The following CMIP variants were observed in gnomAD, a reference collection of about 807,000 sequenced individuals.
CMIP encodes the protein c-Maf inducing protein.
In CMIP, 13 loss-of-function variants were observed where a neutral mutation model predicts 97.3. The observed-to-expected ratio is 0.13, with a 90% CI of 0.09 to 0.21. The LOEUF is 0.21. Among genes scored for constraint, CMIP ranks in the 10% least tolerant of loss-of-function variants. The probability of loss-of-function intolerance (pLI) is 1.00; values close to 1 mark genes in which losing one functional copy is unlikely to be tolerated. For missense variants in CMIP, 847 were observed against 1,024.9 expected (o/e 0.83, Z 2.37); for synonymous variants, 538 against 436.3 (o/e 1.23, Z -2.91).
chr16:81,463,913 G>A (rs76350242), intron 1 of CMIP: 1 of 152,256 alleles, frequency 6.6e-6, no homozygotes, highest in Non-Finnish European at 1.5e-5. Context: ...AAATGAAGTA[G>A]GTGTTGGTTG....
intron 1 of CMIP, among the ~76,000 whole-genome samples, chr16:81,486,980 G>T (rs1480602006): frequency 6.6e-6 from 1 of 152,262 alleles, no homozygotes; most frequent in Non-Finnish European, 1.5e-5. Flanking sequence ...TGGGCGTTGA[G>T]CGCCGTGAGG....
chr16:81,614,965 G>C lies in CMIP; in HGVS notation c.427-5911G>C, dbSNP rs886938680. On this transcript the variant is annotated intron_variant, in intron 2 of 20. Coordinates refer to ENST00000537098, the MANE Select transcript of CMIP (RefSeq NM_198390.3). The surrounding 1 kb of genome is among the most constrained non-coding windows in gnomAD (Gnocchi z 5.3). ...GGTGTGTGCATGTGTGTGGTGTGTT[G>C]TGTGATATGTGACGTGTGTGTGTGG... Among the ~76,000 whole-genome samples, 11 of 147,740 alleles carry C rather than the reference G, an allele frequency of 7.4e-5. No homozygotes were observed. The highest frequency in any genetic ancestry group is 2.8e-4 in the African/African-American group (11 of 39,962).
At chr16:81,459,794 G>T (rs1214679510) in intron 1 of CMIP, among the ~76,000 whole-genome samples, 3 of 152,306 alleles carry the variant, frequency 2.0e-5, no homozygotes, top group East Asian at 3.9e-4. Context: ...TGCAGTGACA[G>T]AGCACCTGCT....
In CMIP at chr16:81,460,343, G is replaced by A. The variant is rs574353220; in HGVS notation, c.300+14802G>A. The stretch of plus-strand genomic sequence containing the variant: ...CCAGCGGTTGCCATGGGTGGGTGGC[G>A]TCCCTCAGCCACTCCTGCAGTCATG... On this transcript the variant is annotated intron_variant, in intron 1 of 20. Coordinates refer to ENST00000537098, the MANE Select transcript of CMIP (RefSeq NM_198390.3). Among the ~76,000 whole-genome samples the A allele has an allele frequency of 1.7e-3, 259 of 152,160 alleles. 3 individuals are homozygous for A. The highest frequency in any genetic ancestry group is 3.0e-3 in the Non-Finnish European group (202 of 68,002).
At chr16:81,553,699 G>A (rs1459812772) in intron 1 of CMIP, among the ~76,000 whole-genome samples, 1 of 152,228 alleles carries the variant, frequency 6.6e-6, no homozygotes, top group Admixed American at 6.5e-5. Flanking sequence ...CCTGCCAGAT[G>A]CCATTTGTGT....
chr16:81,585,826 C>G (rs982692685), intron 1 of CMIP, among the ~76,000 whole-genome samples: 5 of 152,180 alleles, frequency 3.3e-5, no homozygotes, highest in Admixed American at 1.3e-4. Context: ...CCTCACTTCT[C>G]AAGATTCGGC....
At chr16:81,709,604 C>T in intron 20 of CMIP, 142 bp from the exon 21 acceptor site, 1 of 866,790 alleles carries the variant, frequency 1.2e-6, no homozygotes, top group Non-Finnish European at 1.8e-6. Flanking sequence ...CCCACCCCTC[C>T]AAGAGCCCAG....
At chr16:81,643,179 G>C (rs976235976) in intron 3 of CMIP, among the ~76,000 whole-genome samples, 10 of 152,216 alleles carry the variant, frequency 6.6e-5, no homozygotes, top group Non-Finnish European at 2.9e-5. Flanking sequence ...GAGAGGAAGT[G>C]AGGCATGTGG....
intron 1 of CMIP, among the ~76,000 whole-genome samples, chr16:81,602,571 G>A (rs1385670927): frequency 1.3e-5 from 2 of 152,178 alleles, no homozygotes; most frequent in African/African-American, 4.8e-5. Flanking sequence ...ACCCCCAAGA[G>A]TCCCCCTGCC....
At position 81,610,391 on chromosome 16, in the gene CMIP, C is replaced by T. The variant is rs577068990; in HGVS notation, c.426+2699C>T. The T allele has an allele frequency of 9.7e-5, 96 of 985,700 alleles. No homozygotes were observed. In the African/African-American group the frequency reaches 1.4e-3, roughly 14 times the overall value. 61.1% of individuals were successfully genotyped at this position (985,700 alleles called of 1,614,324 possible). A position where few individuals can be genotyped will look rare whatever the true frequency, so the allele number is the denominator to read the frequency against. On this transcript the variant is annotated intron_variant, in intron 2 of 20. Transcript: ENST00000537098. ...CACTGCCCCCTGATCCCGTGGACAG[C>T]GCAGTCAGAGGCAGGAGCAGGAGAG...
chr16:81,506,627 C>G (rs761677551), intron 1 of CMIP, among the ~76,000 whole-genome samples: 5 of 152,224 alleles, frequency 3.3e-5, no homozygotes, highest in African/African-American at 4.8e-5. Context: ...TAAAGTGGAA[C>G]TTTGAGTTTG....
At chr16:81,565,557 A>G (rs891132679) in intron 1 of CMIP, among the ~76,000 whole-genome samples, 1 of 152,062 alleles carries the variant, frequency 6.6e-6, no homozygotes, top group Non-Finnish European at 1.5e-5. Context: ...AGGAACCCAT[A>G]TCGGTGGGCT....
Position 81,674,060 on chromosome 16 carries a change from T to G in CMIP, c.1034+1990T>G, listed in dbSNP as rs547784243. Among the ~76,000 whole-genome samples, 8 of 152,332 alleles carry G rather than the reference T, an allele frequency of 5.3e-5. No individual in the cohort carries two copies. In the East Asian group the frequency reaches 1.5e-3, roughly 29 times the overall value. On this transcript the variant is annotated intron_variant, in intron 9 of 20. Coordinates refer to ENST00000537098, the MANE Select transcript of CMIP (RefSeq NM_198390.3). ...ATTTGATAAATCAGGGGCTGTTTTC[T>G]TGCAGCAGGGCATGAGAGAGGGTGA...
At chr16:81,656,362 A>G (rs1368302511) in intron 4 of CMIP, among the ~76,000 whole-genome samples, 1 of 152,268 alleles carries the variant, frequency 6.6e-6, no homozygotes, top group East Asian at 1.9e-4. Context: ...TAGAACCAGA[A>G]CAATCGATCT....
chr16:81,706,304 C>A (rs1266205657), intron 19 of CMIP, among the ~76,000 whole-genome samples: 5 of 152,132 alleles, frequency 3.3e-5, no homozygotes, highest in African/African-American at 1.2e-4. Flanking sequence ...GGTGTGAAGA[C>A]AGATTTGTGG....
intron 1 of CMIP, among the ~76,000 whole-genome samples, chr16:81,534,587 T>G (rs571175997): frequency 6.6e-6 from 1 of 152,238 alleles, no homozygotes; most frequent in African/African-American, 2.4e-5. Context: ...TCTTAATTAG[T>G]GTCTTCGTGG....
chr16:81,700,842 C>T (rs892578203), intron 15 of CMIP, among the ~76,000 whole-genome samples: 1 of 152,130 alleles, frequency 6.6e-6, no homozygotes, highest in African/African-American at 2.4e-5. Flanking sequence ...TTCTGGGTAC[C>T]TAGAGGTGCT....
intron 3 of CMIP, among the ~76,000 whole-genome samples, chr16:81,641,943 G>C (rs768434754): frequency 5.9e-5 from 9 of 152,348 alleles, no homozygotes; most frequent in Non-Finnish European, 1.2e-4. Context: ...CTAGCTCTTA[G>C]TAGCTGCATG....
chr16:81,452,894 T>G (rs1310580479), intron 1 of CMIP, among the ~76,000 whole-genome samples: 43 of 148,276 alleles, frequency 2.9e-4, no homozygotes, highest in South Asian at 2.3e-3. Context: ...TGTTTTTTTT[T>G]TTTTTTTTTT....
Sources: gnomAD v4.1 joint callset for allele counts (sites outside exome capture counted in the v4.1 genomes callset) on GRCh38, gnomAD v4.1.1 for gene constraint, Gnocchi (gnomAD v3.1) non-coding constraint, MANE v1.5 for transcripts, NCBI Gene and HGNC (gene_info 2026-07-23, HGNC 2026-07-21) for gene names.